TTN: variants seen among roughly 807,000 people sequenced by gnomAD.
TTN encodes connectin.
In TTN, 1,525 loss-of-function variants were observed where a neutral mutation model predicts 3,223.0. The ratio of observed to expected loss-of-function variants is 0.47; its 90% CI spans 0.45 to 0.49. The LOEUF (loss-of-function observed/expected upper bound fraction) is 0.49. TTN is among the 20% of genes least tolerant of loss of function. The probability of loss-of-function intolerance (pLI) is 0.00; values close to 1 mark genes in which losing one functional copy is unlikely to be tolerated. For synonymous variants in TTN, 14,094 were observed against 15,161.0 expected (o/e 0.93, Z 5.17); for missense variants, 40,786 against 43,424.0 (o/e 0.94, Z 5.40).
chr2:178,734,003 T>C (rs762801862), intron 52 of TTN, 111 bp from the exon 53 acceptor site: 11 of 1,047,198 alleles, frequency 1.1e-5, no homozygotes, highest in African/African-American at 3.2e-5. Flanking sequence ...AATACTACTA[T>C]TTCATAGTGT....
intron 122 of TTN, 28 bp from the exon 123 acceptor site, chr2:178,689,623 T>C (rs1195887547): frequency 1.9e-6 from 3 of 1,571,052 alleles, no homozygotes; most frequent in South Asian, 1.2e-5. Context: ...AGAATTGACT[T>C]TATATTTTCT....
Position 178,790,068 on chromosome 2 carries a change from G to A in TTN, c.1848C>T (p.Ala616=), listed in dbSNP as rs2093408102. 2 of 1,612,930 alleles carry A rather than the reference G, an allele frequency of 1.2e-6. No homozygotes were observed. Among genetic ancestry groups the A allele is most frequent in the Admixed American group, 1.7e-5 (1 of 59,976 alleles). Residue 616 remains alanine (A), a synonymous_variant, in exon 12 of 363, where the codon GCC becomes GCT. Transcript: ENST00000589042. ...AATCTTGTTCTTTGACTTTGGGTGT[G>A]GCAACTATGACTTTAGGTACAACTG... ...RKTVVPKVIV[A]TPKVKEQDLV...
intron 288 of TTN, chr2:178,600,581 G>T: frequency 2.2e-6 from 1 of 453,482 alleles, no homozygotes; most frequent in South Asian, 2.7e-5. Context: ...AATTGCTTTA[G>T]CCTCTGATAA....
At chr2:178,799,346 T>C (rs1445115006) in intron 6 of TTN, 141 bp downstream of exon 6, 4 of 1,323,792 alleles carry the variant, frequency 3.0e-6, no homozygotes, top group Non-Finnish European at 4.2e-6. Flanking sequence ...TATGCTCCCC[T>C]AGAGGTTTGA....
rs1462899266 is a variant in TTN, at chr2:178,558,026, C to T, written c.87328G>A (p.Ala29110Thr). The T allele has an allele frequency of 1.8e-5, 29 of 1,613,822 alleles. No homozygotes were observed. Among genetic ancestry groups the T allele is most frequent in the Non-Finnish European group, 2.4e-5 (28 of 1,179,876 alleles). Reference sequence around the variant, plus strand: ...GTGATTTCATATCTCCCAGCGTCAGCTGTAACACTTTCTTTGAGATTGATG... The same window carrying T: ...GTGATTTCATATCTCCCAGCGTCAGTTGTAACACTTTCTTTGAGATTGATG... ...LTINLKESVT[A>T]DAGRYEITAA... Residue 29110 changes from alanine (A) to threonine (T), a missense_variant, in exon 328 of 363, where the codon GCT (alanine) becomes ACT (threonine). Ala to Thr is a moderately conservative substitution (Grantham distance 58). Transcript: ENST00000589042.
rs1440800435 is a variant in TTN at position 178,590,056 on chromosome 2, G to A, written c.61669C>T (p.His20557Tyr). 6.2e-7 allele frequency: 1 copy of A among 1,613,054 alleles called. No individual in the cohort carries two copies. The highest frequency in any genetic ancestry group is 1.3e-5 in the African/African-American group (1 of 74,874). ...YIISAKNSSG[H>Y]AQGSAIVNVL... is the part of the protein sequence containing the mutation. The stretch of plus-strand genomic sequence containing the variant: ...TTAACGATGGCTGAACCTTGGGCAT[G>A]TCCACTGCTGTTCTTAGCTGAGATG... Residue 20557 changes from histidine (H) to tyrosine (Y), a missense_variant, in exon 304 of 363, where the codon CAT (histidine) becomes TAT (tyrosine). His to Tyr is a moderately conservative substitution (Grantham distance 83). Transcript: ENST00000589042.
At position 178,739,361 on chromosome 2, in the gene TTN, G is replaced by A. The variant is rs765700138; in HGVS notation, c.13872C>T (p.His4624=). ...DTVSEEGDIV[H]LTTSITNAKE... ...TAGCATTTGTTATGGATGTTGTGAGGTGTACAATATCACCTTCCTCAGAAA... is the reference window on the plus strand; with the variant it reads ...TAGCATTTGTTATGGATGTTGTGAGATGTACAATATCACCTTCCTCAGAAA... The change falls in exon 48 of 363, where the codon CAC becomes CAT. Residue 4624 remains histidine, a synonymous_variant. Coordinates refer to ENST00000589042, the MANE Select transcript of TTN (RefSeq NM_001267550.2). 6 of 1,613,708 alleles carry A rather than the reference G, an allele frequency of 3.7e-6. No individual in the cohort carries two copies. In the African/African-American group the frequency reaches 6.7e-5, roughly 18 times the overall value.
In TTN at chr2:178,665,708, C is replaced by G; in HGVS notation, c.35959G>C (p.Ala11987Pro). 1 of 1,335,174 alleles carries G rather than the reference C, an allele frequency of 7.5e-7. No individual in the cohort carries two copies. The highest frequency in any genetic ancestry group is 9.5e-7 in the Non-Finnish European group (1 of 1,048,104). 82.7% of individuals were successfully genotyped at this position (1,335,174 alleles called of 1,614,324 possible). A position where few individuals can be genotyped will look rare whatever the true frequency, so the allele number is the denominator to read the frequency against. ...PLEIEIPPTK[A>P]PEAMKEVVPE... ...GAAGGAATGGCAGGATGAACGATACCTTTAGTGGGAGGTATTTCAATTTCA... is the reference window on the plus strand; with the variant it reads ...GAAGGAATGGCAGGATGAACGATACGTTTAGTGGGAGGTATTTCAATTTCA... Residue 11987 changes from alanine to proline, a missense_variant and splice_region_variant, in exon 164 of 363, where the codon GCA becomes CCA. Coordinates refer to ENST00000589042, the MANE Select transcript of TTN (RefSeq NM_001267550.2).
chr2:178,749,356 C>G (rs1481064944), intron 47 of TTN: 1 of 1,612,942 alleles, frequency 6.2e-7, no homozygotes. Flanking sequence ...CCCTGATGGG[C>G]TTGCTGATTT....
chr2:178,591,905 G>T lies in TTN; in HGVS notation c.59927-13C>A, dbSNP rs1291518491. 3 of 1,605,270 alleles carry T rather than the reference G, an allele frequency of 1.9e-6. No homozygotes were observed. Among genetic ancestry groups the T allele is most frequent in the Non-Finnish European group, 1.7e-6 (2 of 1,177,574 alleles). On this transcript the variant is annotated splice_polypyrimidine_tract_variant and intron_variant, in intron 302 of 362. Coordinates refer to ENST00000589042, the MANE Select transcript of TTN (RefSeq NM_001267550.2). ...GGCCCTGGGGGATCTTTTCAAAGAAGAAGTTATGATGAAAAAGTAATATTC... is the reference window on the plus strand; with the variant it reads ...GGCCCTGGGGGATCTTTTCAAAGAATAAGTTATGATGAAAAAGTAATATTC...
Position 178,593,389 on chromosome 2 carries a change from C to G in TTN, c.58819G>C (p.Gly19607Arg), listed in dbSNP as rs758551992. 3.7e-6 allele frequency: 6 copies of G among 1,613,170 alleles called. No homozygotes were observed. The highest frequency in any genetic ancestry group is 5.1e-6 in the Non-Finnish European group (6 of 1,179,560). ...AGGATGTAGTTTGTGATGGGTTTTC[C>G]TCCATCATGTGGCTTATTCCAGGTT... ...LVTWNKPHDG[G>R]KPITNYILEK... is the part of the protein sequence containing the mutation. Residue 19607 changes from glycine to arginine, a missense_variant, in exon 299 of 363, where the codon GGA becomes CGA. By Grantham distance (125) the Gly-to-Arg change is moderately radical. Coordinates refer to ENST00000589042, the MANE Select transcript of TTN (RefSeq NM_001267550.2).
chr2:178,780,177 C>T lies in TTN; in HGVS notation c.3552G>A (p.Gln1184=). Residue 1184 remains glutamine (Q), a synonymous_variant, in exon 22 of 363, where the codon CAG becomes CAA. Coordinates refer to ENST00000589042, the MANE Select transcript of TTN (RefSeq NM_001267550.2). ...CTTGTGTCTGATAAAGCATTTCTTG[C>T]TGGGACTTCATCAGTAACTCATAAT... The part of the protein sequence containing the change: ...EADYELLMKS[Q]QEMLYQTQVT... The T allele has an allele frequency of 3.1e-6, 5 of 1,613,800 alleles. No individual in the cohort carries two copies. The highest frequency in any genetic ancestry group is 4.2e-6 in the Non-Finnish European group (5 of 1,179,840).
intron 138 of TTN, among the ~76,000 whole-genome samples, chr2:178,680,709 T>C (rs140983742): frequency 6.6e-6 from 1 of 152,142 alleles, no homozygotes; most frequent in East Asian, 1.9e-4. Flanking sequence ...AAAAAAATCT[T>C]CAAAATGAAT....
chr2:178,729,051 A>G lies in TTN; in HGVS notation c.18987T>C (p.Asp6329=), dbSNP rs867254043. The G allele has an allele frequency of 1.2e-6, 2 of 1,612,682 alleles. No homozygotes were observed. The highest frequency in any genetic ancestry group is 1.3e-5 in the African/African-American group (1 of 74,878). Residue 6329 remains aspartate (D), a synonymous_variant, in exon 65 of 363, where the codon GAT becomes GAC. Transcript: ENST00000589042. ...CATTATCATCTTCATCAAGAATCTG[A>G]TCATCCTTTAGCCAGGTTATAGAAA... The part of the protein sequence containing the change: ...PPISITWLKD[D]QILDEDDNVY...
chr2:178,591,542 C>T lies in TTN; in HGVS notation c.60221-38G>A, dbSNP rs370256152. On this transcript the variant is annotated intron_variant, in intron 303 of 362. Transcript: ENST00000589042. ...CATGAAAAAATTAGATTTTGATTTT[C>T]ACCTATATGAATAATTTTAAAAAGA... The T allele has an allele frequency of 1.6e-5, 26 of 1,585,094 alleles. No individual in the cohort carries two copies. In the African/African-American group the frequency reaches 3.4e-4, roughly 21 times the overall value.
At position 178,774,477 on chromosome 2, in the gene TTN, A is replaced by G; in HGVS notation, c.6791-4T>C. The stretch of plus-strand genomic sequence containing the variant: ...TTCACAAACTCAACAACTGCACCTG[A>G]AGTGTATAACAGAAAGATAAATCAA... On this transcript the variant is annotated splice_region_variant and splice_polypyrimidine_tract_variant and intron_variant, in intron 29 of 362. Transcript: ENST00000589042. 1.2e-6 allele frequency: 2 copies of G among 1,611,718 alleles called. No homozygotes were observed. Among genetic ancestry groups the G allele is most frequent in the Non-Finnish European group, 1.7e-6 (2 of 1,179,836 alleles).
Position 178,681,699 on chromosome 2 carries a change from T to A in TTN, c.33134A>T (p.Glu11045Val), listed in dbSNP as rs1290276172. The part of the protein sequence containing the change: ...KPIPVKPVPE[E>V]PVPTKPKAPP... ...GGCCTTTGGTTTTGTGGGAACTGGTTCTTCTGGGACAGGCTTTACAGGGAT... is the reference window on the plus strand; with the variant it reads ...GGCCTTTGGTTTTGTGGGAACTGGTACTTCTGGGACAGGCTTTACAGGGAT... Residue 11045 changes from glutamate (E) to valine (V), a missense_variant, in exon 136 of 363, where the codon GAA (glutamate) becomes GTA (valine). Transcript: ENST00000589042. 20 of 1,606,014 alleles carry A rather than the reference T, an allele frequency of 1.2e-5. No homozygotes were observed. The highest frequency in any genetic ancestry group is 1.7e-5 in the Non-Finnish European group (20 of 1,177,900).
In TTN at chr2:178,774,556, T is replaced by C; in HGVS notation, c.6791-83A>G. 5.2e-6 allele frequency: 7 copies of C among 1,354,072 alleles called. No individual in the cohort carries two copies. In the African/African-American group the frequency reaches 7.2e-5, roughly 14 times the overall value. The allele number at this position is 1,354,072 out of a possible 1,614,324, so 83.9% of individuals were successfully genotyped here. A position where few individuals can be genotyped will look rare whatever the true frequency, so the allele number is the denominator to read the frequency against. Reference sequence around the variant, plus strand: ...TAGGATAGAGATGATGTCTTGTATGTCTTTTATCTCCCCCATACTATCAGG... The same window carrying C: ...TAGGATAGAGATGATGTCTTGTATGCCTTTTATCTCCCCCATACTATCAGG... On this transcript the variant is annotated intron_variant, in intron 29 of 362. Transcript: ENST00000589042.
Position 178,651,872 on chromosome 2 carries a change from C to A in TTN, c.39379+12G>T. ...GTGGCCGAGGTGTCCTAGCAGCTTT[C>A]TTGCCATGTACCTTGTGGAGGCGCC... is the stretch of plus-strand genomic sequence containing the variant. On this transcript the variant is annotated intron_variant, in intron 205 of 362. Transcript: ENST00000589042. The A allele has an allele frequency of 6.2e-7, 1 of 1,603,528 alleles. No homozygotes were observed. Among genetic ancestry groups the A allele is most frequent in the Non-Finnish European group, 8.5e-7 (1 of 1,175,464 alleles).
Sources: allele counts gnomAD v4.1 joint callset (sites outside exome capture counted in the v4.1 genomes callset), GRCh38; gene constraint gnomAD v4.1.1; transcripts MANE v1.5; gene names NCBI Gene and HGNC (gene_info 2026-07-23, HGNC 2026-07-21).